SIPA1L3: variants seen among roughly 807,000 people sequenced by gnomAD.
SIPA1L3 encodes the protein signal-induced proliferation-associated 1-like protein 3.
SIPA1L3 carries 59 observed loss-of-function variants against 150.1 expected under a neutral mutation model. The observed-to-expected ratio is 0.39, with a 90% confidence interval of 0.32 to 0.49. SIPA1L3 has a LOEUF of 0.49. Ranked by LOEUF, SIPA1L3 falls within the 20% of genes least tolerant of loss-of-function variation. The probability of loss-of-function intolerance (pLI) is 0.86; values close to 1 mark genes in which losing one functional copy is unlikely to be tolerated. For missense variants in SIPA1L3, 2,211 were observed against 2,489.5 expected, an observed-to-expected ratio of 0.89 and a Z score of 2.38; for synonymous variants, 1,070 against 1,077.6, an observed-to-expected ratio of 0.99 and a Z score of 0.14.
chr19:37,979,424 G>A (rs948265240), intron 1 of SIPA1L3, among the ~76,000 whole-genome samples: 2 of 151,746 alleles, frequency 1.3e-5, no homozygotes, highest in African/African-American at 4.8e-5. Flanking sequence ...GGGCGTGATG[G>A]CACACACCTG....
intron 16 of SIPA1L3, chr19:38,185,798 C>T (rs1474537164): frequency 6.6e-6 from 1 of 152,132 alleles, no homozygotes; most frequent in Non-Finnish European, 1.5e-5. Flanking sequence ...ACCCTAATGA[C>T]CTCATTTTCA....
intron 1 of SIPA1L3, among the ~76,000 whole-genome samples, chr19:37,979,774 C>G (rs1444664656): frequency 6.6e-6 from 1 of 152,210 alleles, no homozygotes; most frequent in African/African-American, 2.4e-5. Flanking sequence ...TACACACTTT[C>G]CTTTAGTAAT....
intron 2 of SIPA1L3, among the ~76,000 whole-genome samples, chr19:38,052,513 CCT>C (rs1286921254): frequency 1.3e-5 from 2 of 152,240 alleles, no homozygotes; most frequent in Non-Finnish European, 2.9e-5. Flanking sequence ...TGCCACTGCC[CCT>C]GTTGGCTGAG....
chr19:38,167,866 C>T (rs890766466), intron 15 of SIPA1L3, among the ~76,000 whole-genome samples: 1 of 152,116 alleles, frequency 6.6e-6, no homozygotes, highest in African/African-American at 2.4e-5. Flanking sequence ...CACCTGGTGA[C>T]GAGTACCTCT....
intron 2 of SIPA1L3, among the ~76,000 whole-genome samples, chr19:38,057,588 CTT>C (rs1367403327): frequency 2.0e-5 from 3 of 151,270 alleles, no homozygotes; most frequent in African/African-American, 4.9e-5. Flanking sequence ...TTCTGCATCT[CTT>C]ATTATTTATT....
At chr19:37,953,949 C>A (rs748222733) in intron 1 of SIPA1L3, among the ~76,000 whole-genome samples, 9 of 152,144 alleles carry the variant, frequency 5.9e-5, no homozygotes, top group Admixed American at 5.2e-4. Flanking sequence ...CCCCTGTATA[C>A]CTCCTTGTAC....
intron 10 of SIPA1L3, among the ~76,000 whole-genome samples, chr19:38,134,978 C>A (rs554876726): frequency 6.6e-6 from 1 of 152,264 alleles, no homozygotes; most frequent in South Asian, 2.1e-4. Context: ...TCACATATGA[C>A]CTTGCTGGGC....
At chr19:38,172,540 G>A (rs189676578) in intron 15 of SIPA1L3, among the ~76,000 whole-genome samples, 56 of 152,270 alleles carry the variant, frequency 3.7e-4, no homozygotes, top group Middle Eastern at 3.4e-3. Context: ...GAGGTGATGC[G>A]TTGTAGGAAG....
intron 1 of SIPA1L3, among the ~76,000 whole-genome samples, chr19:37,969,357 G>C (rs1411034586): frequency 6.6e-6 from 1 of 152,202 alleles, no homozygotes; most frequent in East Asian, 1.9e-4. Context: ...TTTGAGACCA[G>C]CCTGACCAAC....
At chr19:38,193,391 G>A in intron 17 of SIPA1L3, 146 bp from the exon 18 acceptor site, 2 of 888,266 alleles carry the variant, frequency 2.3e-6, no homozygotes, top group Non-Finnish European at 3.0e-6. Context: ...GGAAGGGAGG[G>A]AGGGAGGAAG....
chr19:38,088,959 A>G (rs967246314), intron 4 of SIPA1L3, 108 bp downstream of exon 4: 2 of 1,252,954 alleles, frequency 1.6e-6, no homozygotes, highest in Non-Finnish European at 2.3e-6. Flanking sequence ...GAATCCTCCC[A>G]ACAACCCCGG....
intron 1 of SIPA1L3, among the ~76,000 whole-genome samples, chr19:38,016,501 A>G (rs1968235029): frequency 6.6e-6 from 1 of 152,080 alleles, no homozygotes; most frequent in Non-Finnish European, 1.5e-5. Context: ...CTGTGAATTC[A>G]CGTCTTCTTT....
chr19:38,061,666 G>A (rs551992167), intron 2 of SIPA1L3, among the ~76,000 whole-genome samples: 1 of 152,112 alleles, frequency 6.6e-6, no homozygotes, highest in South Asian at 2.1e-4. Context: ...GGGGTAGGGG[G>A]ACAGGAGTAC....
intron 9 of SIPA1L3, among the ~76,000 whole-genome samples, chr19:38,121,944 G>A (rs1259797504): frequency 6.6e-6 from 1 of 151,882 alleles, no homozygotes; most frequent in Non-Finnish European, 1.5e-5. Context: ...AAAGTGGCCA[G>A]GCGCGGTGGC....
At chr19:38,122,081 C>T (rs1971034484) in intron 9 of SIPA1L3, among the ~76,000 whole-genome samples, 1 of 151,844 alleles carries the variant, frequency 6.6e-6, no homozygotes, top group South Asian at 2.1e-4. Context: ...ATTAGCCAGG[C>T]GTGGTGGCAC....
chr19:38,121,288 A>C (rs1216235306), intron 9 of SIPA1L3, among the ~76,000 whole-genome samples: 1 of 151,764 alleles, frequency 6.6e-6, no homozygotes, highest in Non-Finnish European at 1.5e-5. Flanking sequence ...AATACAAAAA[A>C]TTAGCCAGGC....
At chr19:38,195,276 G>T (rs1972897486) in intron 18 of SIPA1L3, among the ~76,000 whole-genome samples, 1 of 152,088 alleles carries the variant, frequency 6.6e-6, no homozygotes, top group African/African-American at 2.4e-5. Flanking sequence ...TGTCCTTCAG[G>T]GCTGGCTCCA....
intron 2 of SIPA1L3, among the ~76,000 whole-genome samples, chr19:38,075,076 T>C (rs1325149294): frequency 2.0e-5 from 3 of 152,256 alleles, no homozygotes; most frequent in Non-Finnish European, 4.4e-5. Flanking sequence ...AAGTGCATTT[T>C]ACCCTTGAAC....
At chr19:37,954,354 A>T (rs960845589) in intron 1 of SIPA1L3, among the ~76,000 whole-genome samples, 4 of 152,168 alleles carry the variant, frequency 2.6e-5, no homozygotes, top group Non-Finnish European at 5.9e-5. Flanking sequence ...CTGGGGGTTT[A>T]AGTAGCTTTT....
Sources: allele counts gnomAD v4.1 joint callset (sites outside exome capture counted in the v4.1 genomes callset), GRCh38; gene constraint gnomAD v4.1.1; transcripts MANE v1.5; gene names NCBI Gene and HGNC (gene_info 2026-07-23, HGNC 2026-07-21).